Variants in THOP1 observed in about 807,000 individuals in gnomAD.
The protein encoded by THOP1 is thimet oligopeptidase.
Under a neutral mutation model 71.8 loss-of-function variants are expected in THOP1, and 49 were observed. The ratio of observed to expected loss-of-function variants is 0.68; its 90% CI spans 0.54 to 0.87. The LOEUF is 0.87. Ranked by LOEUF, THOP1 falls within the 40% of genes least tolerant of loss-of-function variation. The probability of loss-of-function intolerance (pLI) is 0.00; values close to 1 mark genes in which losing one functional copy is unlikely to be tolerated. For synonymous variants in THOP1, 426 were observed against 421.5 expected (o/e 1.01, Z -0.13); for missense variants, 843 against 975.6 (o/e 0.86, Z 1.81).
intron 8 of THOP1, 49 bp from the exon 9 acceptor site, chr19:2,808,194 T>TTGCGGTGTCTCTAGTCCC: frequency 6.5e-7 from 1 of 1,526,866 alleles, no homozygotes; most frequent in Non-Finnish European, 8.9e-7. Context: ...TCAGGGACTC[T>TTGCGGTGTCTCTAGTCCC]TGCGGTGTCT....
chr19:2,811,606 A>T lies in THOP1; in HGVS notation c.1780A>T (p.Met594Leu). The change falls in exon 12 of 13, where the codon ATG becomes TTG. Residue 594 changes from methionine (M) to leucine (L), a missense_variant. By Grantham distance (15) the Met-to-Leu change is conservative. Coordinates refer to ENST00000307741, the MANE Select transcript of THOP1 (RefSeq NM_003249.5). ...CCATGTGTCCGCCCCAGGAACCAAC[A>T]TGCCTGCAACCTTCGGCCATCTGGC... ...LGVPATPGTN[M>L]PATFGHLAGG... 1 of 1,612,958 alleles carries T rather than the reference A, an allele frequency of 6.2e-7. No homozygotes were observed. Among genetic ancestry groups the T allele is most frequent in the Non-Finnish European group, 8.5e-7 (1 of 1,179,740 alleles).
Position 2,810,665 on chromosome 19 carries a change from C to A in THOP1, c.1668C>A (p.Val556=), listed in dbSNP as rs1333185604. 5.1e-6 allele frequency: 8 copies of A among 1,559,898 alleles called. No individual in the cohort carries two copies. The highest frequency in any genetic ancestry group is 6.9e-6 in the Non-Finnish European group (8 of 1,151,928). The change falls in exon 11 of 13, where the codon GTC becomes GTA. Residue 556 remains valine, a synonymous_variant. Coordinates refer to ENST00000307741, the MANE Select transcript of THOP1 (RefSeq NM_003249.5). ...GCCTCTTCAACCTGCGCCAGATCGT[C>A]CTCGCCAAGGTGGACCAGGCCCTGC... The part of the protein sequence containing the change: ...NTGLFNLRQI[V]LAKVDQALHT...
chr19:2,813,293 T>TGCCCAGTCTGGCCTGCGCTCCCGCC lies in THOP1; in HGVS notation c.*22_*46dup, dbSNP rs1485699337. The TGCCCAGTCTGGCCTGCGCTCCCGCC allele has an allele frequency of 6.3e-7, 1 of 1,599,032 alleles. No individual in the cohort carries two copies. Among genetic ancestry groups the TGCCCAGTCTGGCCTGCGCTCCCGCC allele is most frequent in the Admixed American group, 1.7e-5 (1 of 59,188 alleles). On this transcript the variant is annotated 3_prime_UTR_variant, in exon 13 of 13. Transcript: ENST00000307741. Reference sequence around the variant, plus strand: ...GTCTGCTGAGGCCTGGCACTGCGACTGCCCAGTCTGGCCTGCGCTCCCGCC... The same window carrying TGCCCAGTCTGGCCTGCGCTCCCGCC: ...GTCTGCTGAGGCCTGGCACTGCGACTGCCCAGTCTGGCCTGCGCTCCCGCCGCCCAGTCTGGCCTGCGCTCCCGCC...
chr19:2,810,483 C>T lies in THOP1; in HGVS notation c.1635C>T (p.Ala545=), dbSNP rs776504912. 15 of 1,556,020 alleles carry T rather than the reference C, an allele frequency of 9.6e-6. No individual in the cohort carries two copies. Among genetic ancestry groups the T allele is most frequent in the African/African-American group, 4.1e-5 (3 of 73,910 alleles). The change falls in exon 10 of 13, where the codon GCC becomes GCT. Residue 545 remains alanine (A), a synonymous_variant. Coordinates refer to ENST00000307741, the MANE Select transcript of THOP1 (RefSeq NM_003249.5). The stretch of plus-strand genomic sequence containing the variant: ...AGAAGCTCATTGAGTCCCGGCAGGC[C>T]AACACAGGTGCACCCGCCCCGTCCG... ...LLEKLIESRQ[A]NTGLFNLRQI...
In THOP1 at chr19:2,815,560, C is replaced by T. The variant is rs1336338616; in HGVS notation, c.*2284C>T. The T allele has an allele frequency of 6.6e-6, 1 of 152,434 alleles. No homozygotes were observed. Among genetic ancestry groups the T allele is most frequent in the Non-Finnish European group, 1.5e-5 (1 of 68,220 alleles). 9.4% of individuals were successfully genotyped at this position (152,434 alleles called of 1,614,324 possible). ...CTCAGAGCCTTCCCAAATGCCCACA[C>T]CGGGGGCACCCGGGTTTCCCCAAAC... On this transcript the variant is annotated 3_prime_UTR_variant, in exon 13 of 13. Transcript: ENST00000307741.
Position 2,793,755 on chromosome 19 carries a change from C to T in THOP1, c.230-1009C>T, listed in dbSNP as rs577071932. Among the ~76,000 whole-genome samples, 3 of 152,318 alleles carry T rather than the reference C, an allele frequency of 2.0e-5. No individual in the cohort carries two copies. In the South Asian group the frequency reaches 6.2e-4, roughly 32 times the overall value. ...GTCTGGCTTCTTTCTCTGCATGTGA[C>T]ATCATCGGGCTGCATCCACACCGCA... On this transcript the variant is annotated intron_variant, in intron 2 of 12. Coordinates refer to ENST00000307741, the MANE Select transcript of THOP1 (RefSeq NM_003249.5).
rs777815426 is a variant in THOP1, at chr19:2,811,744, G to C, written c.1908+10G>C. On this transcript the variant is annotated intron_variant, in intron 12 of 12. Coordinates refer to ENST00000307741, the MANE Select transcript of THOP1 (RefSeq NM_003249.5). ...TGTCCTGAACAGCAAGGTACGCGGG[G>C]ACTGGGGACAGGGAGGGCGTCCTGA... The C allele has an allele frequency of 1.3e-6, 2 of 1,573,072 alleles. No individual in the cohort carries two copies. The highest frequency in any genetic ancestry group is 1.7e-6 in the Non-Finnish European group (2 of 1,157,082).
At chr19:2,788,758 C>T (rs920797323) in intron 1 of THOP1, among the ~76,000 whole-genome samples, 2 of 152,100 alleles carry the variant, frequency 1.3e-5, no homozygotes, top group East Asian at 1.9e-4. Context: ...GGATTACAGG[C>T]ACAAGCCACA....
At chr19:2,787,094 T>C (rs1320315742) in intron 1 of THOP1, 2 of 152,166 alleles carry the variant, frequency 1.3e-5, no homozygotes, top group Admixed American at 1.3e-4. Flanking sequence ...AGATGGGGTT[T>C]CACCATCTTG....
At chr19:2,800,472 G>A (rs1422351362) in intron 5 of THOP1, among the ~76,000 whole-genome samples, 9 of 152,340 alleles carry the variant, frequency 5.9e-5, no homozygotes, top group East Asian at 1.9e-4. Context: ...ATGAGCCACC[G>A]TGCCCAGGCA....
rs372705517 is a variant in THOP1, at chr19:2,806,994, C to T, written c.828C>T (p.Ala276=). The change falls in exon 7 of 13, where the codon GCC becomes GCT. Residue 276 remains alanine, a synonymous_variant. Transcript: ENST00000307741. ...KSRLLGFHTH[A]DYVLEMNMAK... is the part of the protein sequence containing the mutation. ...GCCTGCTGGGGTTCCACACGCACGC[C>T]GACTATGTCCTGGAGATGAACATGG... The T allele has an allele frequency of 5.1e-5, 83 of 1,612,886 alleles. 1 individual carries two copies. In the South Asian group the frequency reaches 6.0e-4, roughly 12 times the overall value.
chr19:2,797,344 G>A (rs938446302), intron 4 of THOP1, among the ~76,000 whole-genome samples: 2 of 152,136 alleles, frequency 1.3e-5, no homozygotes, highest in African/African-American at 2.4e-5. Context: ...ATTTCTCGAG[G>A]GCCAGCAAGG....
chr19:2,796,258 G>A (rs1424224002), intron 4 of THOP1, 70 bp downstream of exon 4: 3 of 1,282,572 alleles, frequency 2.3e-6, no homozygotes, highest in Non-Finnish European at 3.3e-6. Context: ...GGCACAGGGA[G>A]TGCTCAGTCC....
At chr19:2,799,625 T>C (rs936609734) in intron 4 of THOP1, 64 bp from the exon 5 acceptor site, 4 of 1,362,476 alleles carry the variant, frequency 2.9e-6, no homozygotes, top group Admixed American at 3.4e-5. Context: ...TTCCCAGGCG[T>C]TGCGTCTCCC....
rs1037940103 is a variant in THOP1, at chr19:2,804,343, G to T, written c.590-673G>T. ...GGGTTTTGTGGGTGGAGAAGGGACA[G>T]CAGGGCTCCAGTGAGAAGCTCTGGG... is the stretch of plus-strand genomic sequence containing the variant. On this transcript the variant is annotated intron_variant, in intron 5 of 12. Coordinates refer to ENST00000307741, the MANE Select transcript of THOP1 (RefSeq NM_003249.5). The surrounding 1 kb of genome is among the most constrained non-coding windows in gnomAD (Gnocchi z 4.7). 6.6e-6 allele frequency among the ~76,000 whole-genome samples: 1 copy of T among 152,210 alleles called. No individual in the cohort carries two copies. Among genetic ancestry groups the T allele is most frequent in the Non-Finnish European group, 1.5e-5 (1 of 68,038 alleles).
At position 2,813,297 on chromosome 19, in the gene THOP1, C is replaced by A. The variant is rs1258397517; in HGVS notation, c.*21C>A. 2.5e-6 allele frequency: 4 copies of A among 1,594,538 alleles called. 1 individual carries two copies. Among genetic ancestry groups the A allele is most frequent in the Admixed American group, 3.4e-5 (2 of 58,840 alleles). Reference sequence around the variant, plus strand: ...GCTGAGGCCTGGCACTGCGACTGCCCAGTCTGGCCTGCGCTCCCGCCGCCC... The same window carrying A: ...GCTGAGGCCTGGCACTGCGACTGCCAAGTCTGGCCTGCGCTCCCGCCGCCC... On this transcript the variant is annotated 3_prime_UTR_variant, in exon 13 of 13. Coordinates refer to ENST00000307741, the MANE Select transcript of THOP1 (RefSeq NM_003249.5).
intron 7 of THOP1, 70 bp downstream of exon 7, chr19:2,807,122 C>A: frequency 1.3e-6 from 2 of 1,500,368 alleles, no homozygotes; most frequent in South Asian, 2.6e-5. Flanking sequence ...AGGGGACAGT[C>A]GGTGCTACCC....
At chr19:2,795,924 TAG>T in intron 3 of THOP1, 155 bp from the exon 4 acceptor site, 1 of 588,048 alleles carries the variant, frequency 1.7e-6, no homozygotes, top group South Asian at 1.9e-5. Context: ...AGGTTTTATG[TAG>T]AGACAGGTCG....
chr19:2,802,447 C>T (rs1599526741), intron 5 of THOP1, among the ~76,000 whole-genome samples: 2 of 147,076 alleles, frequency 1.4e-5, no homozygotes, highest in African/African-American at 5.0e-5. Context: ...ACACCAACAC[C>T]TCCCGACACC....
Sources: gnomAD v4.1 joint callset for allele counts (sites outside exome capture counted in the v4.1 genomes callset) on GRCh38, gnomAD v4.1.1 for gene constraint, Gnocchi (gnomAD v3.1) non-coding constraint, MANE v1.5 for transcripts, NCBI Gene and HGNC (gene_info 2026-07-23, HGNC 2026-07-21) for gene names.